GNAI1: variants seen among roughly 807,000 people sequenced by gnomAD.
The protein encoded by GNAI1 is G protein subunit alpha i1, also known as guanine nucleotide-binding protein G(i) subunit alpha-1.
In GNAI1, 11 loss-of-function variants were observed where a neutral mutation model predicts 38.9. That is an observed-to-expected ratio of 0.28 (90% CI 0.18 to 0.47). The LOEUF is 0.47. Ranked by LOEUF, GNAI1 falls within the 20% of genes least tolerant of loss-of-function variation. The pLI is 0.99. For synonymous variants in GNAI1, 166 were observed against 145.1 expected, an observed-to-expected ratio of 1.14 and a Z score of -1.04; for missense variants, 317 against 436.9, an observed-to-expected ratio of 0.73 and a Z score of 2.45.
At chr7:80,154,218 A>C (rs1006788434) in intron 1 of GNAI1, among the ~76,000 whole-genome samples, 1 of 152,190 alleles carries the variant, frequency 6.6e-6, no homozygotes, top group Non-Finnish European at 1.5e-5. Flanking sequence ...GCCACTGTGC[A>C]TGGCCACTGA....
intron 1 of GNAI1, among the ~76,000 whole-genome samples, chr7:80,139,659 G>A (rs909843686): frequency 2.0e-5 from 3 of 152,110 alleles, no homozygotes; most frequent in Admixed American, 6.5e-5. Context: ...GTGCTCTGCT[G>A]TTTTCAATAT....
chr7:80,211,025 A>G lies in GNAI1; in HGVS notation c.647A>G (p.Glu216Gly). ...CGGAAGAAGTGGATTCATTGCTTCGAAGGAGTGACGGCGATCATCTTCTGT... is the reference window on the plus strand; with the variant it reads ...CGGAAGAAGTGGATTCATTGCTTCGGAGGAGTGACGGCGATCATCTTCTGT... ...SERKKWIHCF[E>G]GVTAIIFCVA... Residue 216 changes from glutamate to glycine, a missense_variant, in exon 6 of 8, where the codon GAA becomes GGA. Glu to Gly is a moderately conservative substitution (Grantham distance 98). Around this residue, in one of 5 missense-constraint regions of GNAI1, gnomAD observed 158 missense variants for 234.7 expected, o/e 0.67. Coordinates refer to ENST00000649796, the MANE Select transcript of GNAI1 (RefSeq NM_002069.6). 2 of 1,613,178 alleles carry G rather than the reference A, an allele frequency of 1.2e-6. No homozygotes were observed. Among genetic ancestry groups the G allele is most frequent in the Non-Finnish European group, 1.7e-6 (2 of 1,179,126 alleles).
At chr7:80,203,299 A>G (rs981095941) in intron 4 of GNAI1, among the ~76,000 whole-genome samples, 3 of 152,194 alleles carry the variant, frequency 2.0e-5, no homozygotes, top group East Asian at 1.9e-4. Context: ...GACTTTAAAA[A>G]TCTTCAGTAA....
At chr7:80,185,142 A>C (rs915958852) in intron 1 of GNAI1, among the ~76,000 whole-genome samples, 5 of 151,568 alleles carry the variant, frequency 3.3e-5, no homozygotes, top group African/African-American at 1.2e-4. Context: ...TTACCCCCCA[A>C]CCCCATTTTT....
intron 3 of GNAI1, among the ~76,000 whole-genome samples, chr7:80,189,472 TCAC>T (rs1290352072): frequency 6.6e-6 from 1 of 152,192 alleles, no homozygotes; most frequent in East Asian, 1.9e-4. Flanking sequence ...AACTGAATAA[TCAC>T]CACAGTGCTT....
At chr7:80,202,754 GTC>G (rs1445532676) in intron 4 of GNAI1, among the ~76,000 whole-genome samples, 1 of 152,138 alleles carries the variant, frequency 6.6e-6, no homozygotes, top group African/African-American at 2.4e-5. Context: ...TGCGGTGATG[GTC>G]TCTACATTCA....
chr7:80,204,920 T>TACTA (rs60690314), intron 5 of GNAI1, among the ~76,000 whole-genome samples: 60,136 of 151,906 alleles, frequency 0.4, 12,579 homozygotes, highest in African/African-American at 0.53. Context: ...GTTAAAAAAA[T>TACTA]ATTTAAAAAT....
chr7:80,182,479 A>AAG (rs1788311572), intron 1 of GNAI1, among the ~76,000 whole-genome samples: 1 of 152,184 alleles, frequency 6.6e-6, no homozygotes, highest in South Asian at 2.1e-4. Flanking sequence ...GAACGTTTAC[A>AAG]GTCATTATTA....
chr7:80,185,288 C>G, intron 1 of GNAI1, among the ~76,000 whole-genome samples: 1 of 152,302 alleles, frequency 6.6e-6, no homozygotes, highest in Middle Eastern at 3.4e-3. Flanking sequence ...TCACATAACA[C>G]TGGATACTGA....
intron 7 of GNAI1, among the ~76,000 whole-genome samples, chr7:80,213,528 C>T (rs1467028219): frequency 6.6e-6 from 1 of 152,116 alleles, no homozygotes; most frequent in African/African-American, 2.4e-5. Flanking sequence ...TCTGTGAAGT[C>T]AGGAGTTGGG....
rs74812729 is a variant in GNAI1 at position 80,221,642 on chromosome 7, T to A, written c.*4149T>A. Reference sequence around the variant, plus strand: ...ATGTTAGGTTGGAAATTTTCTTTTTTTTTTTTTTTTTTTTTTTTTGGTATG... The same window carrying A: ...ATGTTAGGTTGGAAATTTTCTTTTTATTTTTTTTTTTTTTTTTTTGGTATG... On this transcript the variant is annotated 3_prime_UTR_variant, in exon 8 of 8. Transcript: ENST00000649796. 2.6e-3 allele frequency among the ~76,000 whole-genome samples: 218 copies of A among 84,084 alleles called. 4 individuals are homozygous for A. Among genetic ancestry groups the A allele is most frequent in the Non-Finnish European group, 3.4e-3 (130 of 38,630 alleles). The allele number at this position is 84,084 out of a possible 152,430, so 55.2% of individuals were successfully genotyped here. A position where few individuals can be genotyped will look rare whatever the true frequency, so the allele number is the denominator to read the frequency against.
chr7:80,148,531 TAA>T (rs66761937), intron 1 of GNAI1, among the ~76,000 whole-genome samples: 3 of 150,668 alleles, frequency 2.0e-5, no homozygotes, highest in East Asian at 2.0e-4. Context: ...ATTTTAAAAT[TAA>T]AAAAAAAACA....
chr7:80,179,193 T>C (rs913920859), intron 1 of GNAI1, among the ~76,000 whole-genome samples: 8 of 152,234 alleles, frequency 5.3e-5, no homozygotes, highest in African/African-American at 1.4e-4. Context: ...GACTGTGTTA[T>C]GATAACTAAT....
intron 1 of GNAI1, among the ~76,000 whole-genome samples, chr7:80,174,732 A>G (rs1298490194): frequency 6.6e-6 from 1 of 152,142 alleles, no homozygotes; most frequent in Non-Finnish European, 1.5e-5. Flanking sequence ...CTTGGATCGC[A>G]TAAACCGAAC....
chr7:80,201,294 A>G lies in GNAI1; in HGVS notation c.461+1912A>G, dbSNP rs149091154. Among the ~76,000 whole-genome samples, 32 of 152,306 alleles carry G rather than the reference A, an allele frequency of 2.1e-4. 1 individual carries two copies. The East Asian group carries it at 5.0e-3, about 24-fold the overall frequency. ...GAGTCCAGCAAAAGGAGCTACTTCA[A>G]TAATTAAGGGGTACTACTTGGGAAT... On this transcript the variant is annotated intron_variant, in intron 4 of 7. Transcript: ENST00000649796.
chr7:80,178,629 A>G (rs1318941138), intron 1 of GNAI1, among the ~76,000 whole-genome samples: 1 of 152,186 alleles, frequency 6.6e-6, no homozygotes, highest in Non-Finnish European at 1.5e-5. Flanking sequence ...TTTTTTATTA[A>G]GGTATGTACA....
chr7:80,164,018 T>G (rs1787968854), intron 1 of GNAI1, among the ~76,000 whole-genome samples: 1 of 149,804 alleles, frequency 6.7e-6, no homozygotes, highest in African/African-American at 2.5e-5. Context: ...TCACCAGGCT[T>G]CTTTGTCAAA....
At position 80,218,329 on chromosome 7, in the gene GNAI1, T is replaced by C. The variant is rs1789009281; in HGVS notation, c.*836T>C. 1 of 152,146 alleles carries C rather than the reference T, an allele frequency of 6.6e-6. No homozygotes were observed. The highest frequency in any genetic ancestry group is 2.4e-5 in the African/African-American group (1 of 41,454). 9.4% of individuals were successfully genotyped at this position (152,146 alleles called of 1,614,324 possible). On this transcript the variant is annotated 3_prime_UTR_variant, in exon 8 of 8. Coordinates refer to ENST00000649796, the MANE Select transcript of GNAI1 (RefSeq NM_002069.6). ...TTCACTCTGAATTTTAATATTTGGC[T>C]GATATGAATGCATTGCCTCAAAGGT...
intron 1 of GNAI1, among the ~76,000 whole-genome samples, chr7:80,161,445 T>G: frequency 6.6e-6 from 1 of 152,220 alleles, no homozygotes; most frequent in East Asian, 1.9e-4. Context: ...AGAAATCTGT[T>G]AGAAGTTGTT....
Sources: gnomAD v4.1 joint callset for allele counts (sites outside exome capture counted in the v4.1 genomes callset) on GRCh38, gnomAD v4.1.1 for gene constraint, gnomAD v4.1.1 regional missense constraint, MANE v1.5 for transcripts, NCBI Gene and HGNC (gene_info 2026-07-23, HGNC 2026-07-21) for gene names.